The following A4GNT variants were observed in gnomAD, a reference collection of about 807,000 sequenced individuals.
The protein encoded by A4GNT is alpha-1,4-N-acetylglucosaminyltransferase.
A neutral mutation model predicts 8.3 loss-of-function variants in A4GNT; 6 were observed. That is an observed-to-expected ratio of 0.72 (90% CI 0.39 to 1.42). The LOEUF (loss-of-function observed/expected upper bound fraction) is 1.42, where lower values mean the gene tolerates loss of function less well. Among genes scored for constraint, A4GNT ranks in the 40% most tolerant of loss-of-function variants. A4GNT has a pLI of 0.02. For synonymous variants in A4GNT, 157 were observed against 159.8 expected (o/e 0.98, Z 0.13); for missense variants, 377 against 417.0 (o/e 0.90, Z 0.84).
intron 2 of A4GNT, among the ~76,000 whole-genome samples, chr3:138,125,218 G>A (rs1047129681): frequency 2.6e-5 from 4 of 152,166 alleles, no homozygotes; most frequent in African/African-American, 7.2e-5. Flanking sequence ...ATTCTTCAAC[G>A]TGGGTGTACA....
intron 2 of A4GNT, 108 bp from the exon 3 acceptor site, chr3:138,124,986 T>C: frequency 7.2e-7 from 1 of 1,393,006 alleles, no homozygotes; most frequent in Non-Finnish European, 9.6e-7. Flanking sequence ...AGAAGCCAGC[T>C]TCCCAAAATC....
In A4GNT at chr3:138,124,696, G is replaced by A. The variant is rs1452713111; in HGVS notation, c.591C>T (p.Phe197=). The part of the protein sequence containing the change: ...SRYSSNGIFG[F]LPHHPFLWEC... ...CCCACAAAAAGGGGTGGTGGGGGAG[G>A]AACCCAAATATTCCATTACTAGAGT... is the stretch of plus-strand genomic sequence containing the variant. Residue 197 remains phenylalanine (F), a synonymous_variant, in exon 3 of 3, where the codon TTC becomes TTT. Transcript: ENST00000236709. 1.2e-6 allele frequency: 2 copies of A among 1,614,172 alleles called. No homozygotes were observed. The highest frequency in any genetic ancestry group is 1.7e-6 in the Non-Finnish European group (2 of 1,180,042).
At chr3:138,131,349 A>C (rs2042776314) in intron 1 of A4GNT, 67 bp from the exon 2 acceptor site, 1 of 1,253,646 alleles carries the variant, frequency 8.0e-7, no homozygotes, top group Admixed American at 3.1e-5. Context: ...ACACAAGAAA[A>C]TGATACATGA....
intron 2 of A4GNT, among the ~76,000 whole-genome samples, chr3:138,130,203 G>C (rs2042768059): frequency 6.6e-6 from 1 of 151,746 alleles, no homozygotes; most frequent in Non-Finnish European, 1.5e-5. Flanking sequence ...AGTCTTCATA[G>C]GATGTCAGTT....
At chr3:138,126,954 A>AC in intron 2 of A4GNT, among the ~76,000 whole-genome samples, 2 of 151,314 alleles carry the variant, frequency 1.3e-5, no homozygotes, top group East Asian at 3.9e-4. Context: ...ACATAGTGAA[A>AC]CCCTATCTCT....
At chr3:138,125,950 C>T (rs1333621322) in intron 2 of A4GNT, among the ~76,000 whole-genome samples, 1 of 151,980 alleles carries the variant, frequency 6.6e-6, no homozygotes, top group Non-Finnish European at 1.5e-5. Context: ...GGGAGGGAGG[C>T]CGGATCATGT....
chr3:138,128,558 A>T (rs34689885), intron 2 of A4GNT, among the ~76,000 whole-genome samples: 28,790 of 152,088 alleles, frequency 0.19, 3,482 homozygotes, highest in Non-Finnish European at 0.26. Flanking sequence ...CCAAGTCGTG[A>T]GTGATCCACC....
At chr3:138,127,595 C>A (rs1001104531) in intron 2 of A4GNT, among the ~76,000 whole-genome samples, 2 of 150,650 alleles carry the variant, frequency 1.3e-5, no homozygotes, top group African/African-American at 4.9e-5. Context: ...AAACAAAAAA[C>A]ATAAGCGCTC....
chr3:138,124,119 A>G lies in A4GNT; in HGVS notation c.*145T>C. 1 of 1,147,378 alleles carries G rather than the reference A, an allele frequency of 8.7e-7. No homozygotes were observed. The highest frequency in any genetic ancestry group is 1.6e-5 in the African/African-American group (1 of 64,322). The allele number at this position is 1,147,378 out of a possible 1,614,324, so 71.1% of individuals were successfully genotyped here. ...CAGTATCATTTGGGATTTTTCTATT[A>G]CAGACAGAGAAAGCTAATCCTAACT... On this transcript the variant is annotated 3_prime_UTR_variant, in exon 3 of 3. Transcript: ENST00000236709.
At position 138,131,249 on chromosome 3, in the gene A4GNT, T is replaced by G. The variant is rs1430435363; in HGVS notation, c.8A>C (p.Lys3Thr). 6.3e-7 allele frequency: 1 copy of G among 1,586,218 alleles called. No individual in the cohort carries two copies. ...GACTGACAGGGAGAGCTGGAGCTCC[T>G]TCCGCATGTCCTCTTCTCTGTGCCA... MR[K>T]ELQLSLSVTL... Residue 3 changes from lysine (K) to threonine (T), a missense_variant, in exon 2 of 3, where the codon AAG becomes ACG. Coordinates refer to ENST00000236709, the MANE Select transcript of A4GNT (RefSeq NM_016161.3).
chr3:138,131,670 T>C (rs77133692), intron 1 of A4GNT, among the ~76,000 whole-genome samples: 50 of 152,330 alleles, frequency 3.3e-4, no homozygotes, highest in Non-Finnish European at 4.9e-4. Flanking sequence ...TTAAAAATAA[T>C]TAGTTAATAG....
rs1349605760 is a variant in A4GNT at position 138,130,848 on chromosome 3, C to T, written c.408+1G>A. Reference sequence around the variant, plus strand: ...CATTTTAAGTTTCCCTAAACACTTACTTGATTGTACCATGAAAACAATGGT... The same window carrying T: ...CATTTTAAGTTTCCCTAAACACTTATTTGATTGTACCATGAAAACAATGGT... On this transcript the variant is annotated splice_donor_variant, in intron 2 of 2. Coordinates refer to ENST00000236709, the MANE Select transcript of A4GNT (RefSeq NM_016161.3). LOFTEE classifies it high-confidence loss of function. 3.7e-6 allele frequency: 6 copies of T among 1,612,914 alleles called. No homozygotes were observed. The highest frequency in any genetic ancestry group is 5.1e-6 in the Non-Finnish European group (6 of 1,179,492).
In A4GNT at chr3:138,130,886, A is replaced by C. The variant is rs1411628454; in HGVS notation, c.371T>G (p.Leu124Arg). 1.4e-5 allele frequency: 22 copies of C among 1,614,092 alleles called. No individual in the cohort carries two copies. The highest frequency in any genetic ancestry group is 1.9e-5 in the Non-Finnish European group (22 of 1,180,044). Residue 124 changes from leucine to arginine, a missense_variant, in exon 2 of 3, where the codon CTG becomes CGG. Leu to Arg is a moderately radical substitution (Grantham distance 102). Transcript: ENST00000236709. The part of the protein sequence containing the change: ...VFLFPLDMKR[L>R]LEDTPLFSWY... The stretch of plus-strand genomic sequence containing the variant: ...TGAAAACAATGGTGTGTCTTCAAGC[A>C]GCCTTTTCATATCCAAAGGGAAGAG...
chr3:138,133,204 A>G (rs1351126705), upstream of A4GNT, among the ~76,000 whole-genome samples: 1 of 152,146 alleles, frequency 6.6e-6, no homozygotes, highest in African/African-American at 2.4e-5. Context: ...ACATGAAGGG[A>G]GTTAAAGCTG....
chr3:138,131,249 T>C lies in A4GNT; in HGVS notation c.8A>G (p.Lys3Arg). 6.3e-7 allele frequency: 1 copy of C among 1,586,218 alleles called. No homozygotes were observed. The highest frequency in any genetic ancestry group is 8.6e-7 in the Non-Finnish European group (1 of 1,159,790). Residue 3 changes from lysine (K) to arginine (R), a missense_variant, in exon 2 of 3, where the codon AAG becomes AGG. Lys to Arg is a conservative substitution (Grantham distance 26, BLOSUM62 2). Transcript: ENST00000236709. ...GACTGACAGGGAGAGCTGGAGCTCC[T>C]TCCGCATGTCCTCTTCTCTGTGCCA... is the stretch of plus-strand genomic sequence containing the variant. MRKELQLSLSVTL... is the reference protein window; with the variant it reads MRRELQLSLSVTL...
chr3:138,131,276 C>T lies in A4GNT; in HGVS notation c.-20G>A, dbSNP rs1387766633. On this transcript the variant is annotated 5_prime_UTR_variant, in exon 2 of 3. Coordinates refer to ENST00000236709, the MANE Select transcript of A4GNT (RefSeq NM_016161.3). ...CCGCATGTCCTCTTCTCTGTGCCAG[C>T]CTGCTCCTTTAAATCAACACAATTA... is the stretch of plus-strand genomic sequence containing the variant. 2 of 1,510,168 alleles carry T rather than the reference C, an allele frequency of 1.3e-6. No homozygotes were observed. Among genetic ancestry groups the T allele is most frequent in the African/African-American group, 1.4e-5 (1 of 72,212 alleles). The allele number at this position is 1,510,168 out of a possible 1,614,324, so 93.5% of individuals were successfully genotyped here. A position where few individuals can be genotyped will look rare whatever the true frequency, so the allele number is the denominator to read the frequency against.
chr3:138,128,909 G>A (rs2042761241), intron 2 of A4GNT, among the ~76,000 whole-genome samples: 1 of 152,038 alleles, frequency 6.6e-6, no homozygotes, highest in South Asian at 2.1e-4. Context: ...ACCTCCTCCT[G>A]ATGGGTCCCA....
chr3:138,128,965 G>C (rs1033095500), intron 2 of A4GNT, among the ~76,000 whole-genome samples: 6 of 152,018 alleles, frequency 3.9e-5, no homozygotes, highest in Non-Finnish European at 8.8e-5. Flanking sequence ...ATGCACTTTG[G>C]GATGTAGAAG....
At chr3:138,127,569 G>A (rs1380471037) in intron 2 of A4GNT, among the ~76,000 whole-genome samples, 24 of 148,546 alleles carry the variant, frequency 1.6e-4, no homozygotes, top group African/African-American at 3.0e-4. Flanking sequence ...GCAAGACTCC[G>A]TCTCAAAAAA....
Sources: gnomAD v4.1 joint callset for allele counts (sites outside exome capture counted in the v4.1 genomes callset) on GRCh38, gnomAD v4.1.1 for gene constraint, MANE v1.5 for transcripts, NCBI Gene and HGNC (gene_info 2026-07-23, HGNC 2026-07-21) for gene names.